MTHFD1L: variants seen among roughly 807,000 people sequenced by gnomAD.
MTHFD1L encodes monofunctional C1-tetrahydrofolate synthase, mitochondrial.
Under a neutral mutation model 119.5 loss-of-function variants are expected in MTHFD1L, and 81 were observed. That is an observed-to-expected ratio of 0.68 (90% CI 0.57 to 0.82). The LOEUF (loss-of-function observed/expected upper bound fraction) is 0.82. MTHFD1L is among the 40% of genes least tolerant of loss of function. MTHFD1L has a pLI of 0.00. For synonymous variants in MTHFD1L, 430 were observed against 475.2 expected, an observed-to-expected ratio of 0.90 and a Z score of 1.24; for missense variants, 1,125 against 1,253.4, an observed-to-expected ratio of 0.90 and a Z score of 1.55.
intron 8 of MTHFD1L, among the ~76,000 whole-genome samples, chr6:150,910,436 G>T (rs1000132590): frequency 2.0e-5 from 3 of 149,180 alleles, no homozygotes; most frequent in African/African-American, 7.4e-5. Context: ...GGTGGCGCAT[G>T]CCTGTAATCC....
chr6:150,890,023 G>T (rs1405856737), intron 7 of MTHFD1L, among the ~76,000 whole-genome samples: 2 of 152,078 alleles, frequency 1.3e-5, no homozygotes, highest in African/African-American at 4.8e-5. Context: ...GGATGTGGTG[G>T]CACATGCCTG....
intron 20 of MTHFD1L, among the ~76,000 whole-genome samples, chr6:150,986,499 C>T (rs1032960663): frequency 3.3e-5 from 5 of 152,188 alleles, no homozygotes; most frequent in African/African-American, 9.7e-5. Context: ...TGGGATTAAA[C>T]GGTTCCACCT....
At chr6:151,051,180 CT>C (rs1788969398) in intron 26 of MTHFD1L, among the ~76,000 whole-genome samples, 1 of 152,170 alleles carries the variant, frequency 6.6e-6, no homozygotes, top group African/African-American at 2.4e-5. Flanking sequence ...AAAATCACCC[CT>C]ATCAGAAATT....
intron 19 of MTHFD1L, among the ~76,000 whole-genome samples, chr6:150,967,248 TG>T (rs1460468389): frequency 6.6e-6 from 1 of 152,194 alleles, no homozygotes; most frequent in African/African-American, 2.4e-5. Context: ...ACCAAGTCTT[TG>T]TTGCTGTGCC....
At chr6:151,100,709 G>A (rs1012773970) in intron 27 of MTHFD1L, among the ~76,000 whole-genome samples, 6 of 150,850 alleles carry the variant, frequency 4.0e-5, no homozygotes, top group Non-Finnish European at 8.8e-5. Context: ...GAATGGCAAT[G>A]AATCTTAATA....
intron 26 of MTHFD1L, among the ~76,000 whole-genome samples, chr6:151,087,805 C>G (rs1299497223): frequency 6.6e-6 from 1 of 152,114 alleles, no homozygotes; most frequent in South Asian, 2.1e-4. Context: ...GGAGTTAACC[C>G]GAAATGGGTA....
At chr6:150,934,856 G>T in intron 11 of MTHFD1L, 1 of 1,336,270 alleles carries the variant, frequency 7.5e-7, no homozygotes, top group Non-Finnish European at 1.0e-6. Context: ...TTTCTCATTT[G>T]GACCCAAACT....
intron 21 of MTHFD1L, among the ~76,000 whole-genome samples, chr6:151,012,476 G>GT (rs891380246): frequency 3.3e-5 from 5 of 151,212 alleles, no homozygotes; most frequent in South Asian, 2.1e-4. Context: ...TATTCAGCTT[G>GT]TTTTTTTTCC....
chr6:151,013,177 C>T (rs1316586463), intron 21 of MTHFD1L, among the ~76,000 whole-genome samples: 8 of 152,052 alleles, frequency 5.3e-5, no homozygotes, highest in Non-Finnish European at 5.9e-5. Context: ...CCCAAGAGTT[C>T]GAGACCAGCC....
At chr6:151,000,238 G>A (rs9478902) in intron 20 of MTHFD1L, among the ~76,000 whole-genome samples, 34,255 of 151,762 alleles carry the variant, frequency 0.23, 3,957 homozygotes, top group Middle Eastern at 0.31. Context: ...TCGGGAGGCT[G>A]AGGCAGGAGA....
intron 26 of MTHFD1L, among the ~76,000 whole-genome samples, chr6:151,080,682 G>T (rs974222774): frequency 6.6e-6 from 1 of 152,220 alleles, no homozygotes; most frequent in Non-Finnish European, 1.5e-5. Context: ...TTCAACAACA[G>T]AAGTTTATTT....
intron 26 of MTHFD1L, among the ~76,000 whole-genome samples, chr6:151,051,110 C>T (rs888651961): frequency 1.3e-5 from 2 of 152,166 alleles, no homozygotes; most frequent in African/African-American, 4.8e-5. Context: ...TGGAGGCCCA[C>T]CCCGTCACTC....
intron 26 of MTHFD1L, among the ~76,000 whole-genome samples, chr6:151,056,821 C>G (rs888716455): frequency 2.0e-5 from 3 of 152,180 alleles, no homozygotes; most frequent in Non-Finnish European, 4.4e-5. Flanking sequence ...ACAAGGTGTT[C>G]TGACCTGGGA....
At chr6:150,917,538 C>A (rs922333793) in intron 8 of MTHFD1L, among the ~76,000 whole-genome samples, 2 of 151,742 alleles carry the variant, frequency 1.3e-5, no homozygotes, top group African/African-American at 2.4e-5. Context: ...AAGATGAAGC[C>A]CACTGTGTCA....
chr6:150,944,356 G>A, intron 13 of MTHFD1L, 130 bp from the exon 14 acceptor site: 1 of 679,632 alleles, frequency 1.5e-6, no homozygotes, highest in Non-Finnish European at 2.6e-6. Flanking sequence ...GCTTAGGTGA[G>A]AGGATTGCTT....
chr6:150,870,859 C>A, intron 1 of MTHFD1L, among the ~76,000 whole-genome samples: 1 of 150,356 alleles, frequency 6.7e-6, no homozygotes, highest in South Asian at 2.1e-4. Flanking sequence ...TGTGGGGAGG[C>A]GGAGGTTGTG....
intron 4 of MTHFD1L, among the ~76,000 whole-genome samples, chr6:150,879,160 A>G (rs1352021984): frequency 6.6e-6 from 1 of 152,246 alleles, no homozygotes; most frequent in Non-Finnish European, 1.5e-5. Context: ...TGTTTGCCAC[A>G]CTTGCCATTG....
intron 6 of MTHFD1L, among the ~76,000 whole-genome samples, chr6:150,887,285 C>G (rs945320332): frequency 6.6e-6 from 1 of 151,970 alleles, no homozygotes; most frequent in Non-Finnish European, 1.5e-5. Flanking sequence ...AGAAAGTACT[C>G]AAAGAAAAGA....
At chr6:150,995,768 G>C (rs2128455378) in intron 20 of MTHFD1L, among the ~76,000 whole-genome samples, 1 of 152,038 alleles carries the variant, frequency 6.6e-6, no homozygotes, top group East Asian at 2.0e-4. Context: ...CCAGGTTCAA[G>C]TGATTTCTCC....
Sources: allele counts gnomAD v4.1 joint callset (sites outside exome capture counted in the v4.1 genomes callset), GRCh38; gene constraint gnomAD v4.1.1; transcripts MANE v1.5; gene names NCBI Gene and HGNC (gene_info 2026-07-23, HGNC 2026-07-21).